SIX4: variants seen among roughly 807,000 people sequenced by gnomAD.
SIX4 encodes the protein homeobox protein SIX4.
Under a neutral mutation model 51.5 loss-of-function variants are expected in SIX4, and 23 were observed. That is an observed-to-expected ratio of 0.45 (90% CI 0.32 to 0.63). The LOEUF (loss-of-function observed/expected upper bound fraction) is 0.63, where lower values mean the gene tolerates loss of function less well. Ranked by LOEUF, SIX4 falls within the 30% of genes least tolerant of loss-of-function variation. The pLI is 0.04. For missense variants in SIX4, 867 were observed against 984.0 expected, an observed-to-expected ratio of 0.88 and a Z score of 1.59; for synonymous variants, 413 against 417.3, an observed-to-expected ratio of 0.99 and a Z score of 0.13.
At chr14:60,721,930 GA>G (rs1479706386) in intron 1 of SIX4, among the ~76,000 whole-genome samples, 31 of 152,222 alleles carry the variant, frequency 2.0e-4, no homozygotes, top group African/African-American at 7.5e-4. Flanking sequence ...GCGAGGGCCG[GA>G]TAGGGCACCA....
rs970330696 is a variant in SIX4 at position 60,714,761 on chromosome 14, G to A, written c.1550-558C>T. 3.3e-5 allele frequency among the ~76,000 whole-genome samples: 5 copies of A among 151,580 alleles called. No individual in the cohort carries two copies. In the South Asian group the frequency reaches 1.0e-3, roughly 32 times the overall value. On this transcript the variant is annotated intron_variant, in intron 2 of 2. Coordinates refer to ENST00000216513, the MANE Select transcript of SIX4 (RefSeq NM_017420.5). ...GCTCATTGCAACCTCTGCCTCCTGG[G>A]TTCAAGTGATTCTCCTGCCTCAGCC...
intron 2 of SIX4, among the ~76,000 whole-genome samples, chr14:60,715,809 T>A (rs559257704): frequency 6.6e-6 from 1 of 152,154 alleles, no homozygotes; most frequent in East Asian, 1.9e-4. Flanking sequence ...GAAGGAAAGG[T>A]AGATTTGGGG....
At position 60,711,903 on chromosome 14, in the gene SIX4, C is replaced by A. The variant is rs117099618; in HGVS notation, c.*1504G>T. 1 of 152,448 alleles carries A rather than the reference C, an allele frequency of 6.6e-6. No individual in the cohort carries two copies. Among genetic ancestry groups the A allele is most frequent in the Non-Finnish European group, 1.5e-5 (1 of 68,020 alleles). 9.4% of individuals were successfully genotyped at this position (152,448 alleles called of 1,614,324 possible). A position where few individuals can be genotyped will look rare whatever the true frequency, so the allele number is the denominator to read the frequency against. On this transcript the variant is annotated 3_prime_UTR_variant, in exon 3 of 3. Transcript: ENST00000216513. ...TTGCTTTTCAGAGACTAGAGAGCAACTTTACTCACTACATAAATTTATTTG... is the reference window on the plus strand; with the variant it reads ...TTGCTTTTCAGAGACTAGAGAGCAAATTTACTCACTACATAAATTTATTTG...
chr14:60,711,029 C>A lies in SIX4; in HGVS notation c.*2378G>T. The A allele has an allele frequency of 1.3e-5, 1 of 75,320 alleles. No individual in the cohort carries two copies. The highest frequency in any genetic ancestry group is 3.5e-5 in the Non-Finnish European group (1 of 28,906). The allele number at this position is 75,320 out of a possible 1,614,324, so 4.7% of individuals were successfully genotyped here. A position where few individuals can be genotyped will look rare whatever the true frequency, so the allele number is the denominator to read the frequency against. On this transcript the variant is annotated 3_prime_UTR_variant, in exon 3 of 3. Coordinates refer to ENST00000216513, the MANE Select transcript of SIX4 (RefSeq NM_017420.5). ...TTTCCAGTTATATATATATATATAG[C>A]ATATATAACTAAAAACCTCCCCATC...
chr14:60,713,545 G>A lies in SIX4; in HGVS notation c.2208C>T (p.Ser736=), dbSNP rs758980516. 5.6e-6 allele frequency: 9 copies of A among 1,614,168 alleles called. No individual in the cohort carries two copies. Among genetic ancestry groups the A allele is most frequent in the Non-Finnish European group, 6.8e-6 (8 of 1,180,036 alleles). The change falls in exon 3 of 3, where the codon AGC becomes AGT. Residue 736 remains serine, a synonymous_variant. Coordinates refer to ENST00000216513, the MANE Select transcript of SIX4 (RefSeq NM_017420.5). ...TGGATTTAGAGTCCAGCATCATTAAGCTACTTGTTGCTTTGCTCTCAGAAT... is the reference window on the plus strand; with the variant it reads ...TGGATTTAGAGTCCAGCATCATTAAACTACTTGTTGCTTTGCTCTCAGAAT... ...LSNSESKATS[S]LMMLDSKSKY...
chr14:60,722,304 C>T lies in SIX4; in HGVS notation c.863+908G>A. Among the ~76,000 whole-genome samples, 1 of 152,140 alleles carries T rather than the reference C, an allele frequency of 6.6e-6. No homozygotes were observed. Among genetic ancestry groups the T allele is most frequent in the East Asian group, 1.9e-4 (1 of 5,162 alleles). Reference sequence around the variant, plus strand: ...TATTTTTTTTACCAGAGGGGGAAAGCAGTCTGCCAGGCAAAAAGCTCAAAC... The same window carrying T: ...TATTTTTTTTACCAGAGGGGGAAAGTAGTCTGCCAGGCAAAAAGCTCAAAC... On this transcript the variant is annotated intron_variant, in intron 1 of 2. Transcript: ENST00000216513. This position sits in a 1 kb window ranked among gnomAD's most constrained non-coding sequence, Gnocchi z 5.9.
chr14:60,720,877 A>T lies in SIX4; in HGVS notation c.864-432T>A. On this transcript the variant is annotated intron_variant, in intron 1 of 2. Coordinates refer to ENST00000216513, the MANE Select transcript of SIX4 (RefSeq NM_017420.5). This position sits in a 1 kb window ranked among gnomAD's most constrained non-coding sequence, Gnocchi z 5.5. ...CCCTCCCCTCAAACCAATTCAGATT[A>T]GTGTTATCTTGGAGGTAAATGAAGC... 1 of 795,076 alleles carries T rather than the reference A, an allele frequency of 1.3e-6. No homozygotes were observed. The highest frequency in any genetic ancestry group is 1.5e-6 in the Non-Finnish European group (1 of 653,722). 49.3% of individuals were successfully genotyped at this position (795,076 alleles called of 1,614,324 possible).
At chr14:60,718,013 AAATAAT>A (rs370845559) in intron 2 of SIX4, 44 of 226,432 alleles carry the variant, frequency 1.9e-4, no homozygotes, top group African/African-American at 5.2e-4. Context: ...CTCCGCCTAA[AAATAAT>A]AATAATAATA....
rs1895994593 is a variant in SIX4 at position 60,720,101 on chromosome 14, T to C, written c.1208A>G (p.Asn403Ser). The change falls in exon 2 of 3, where the codon AAT (asparagine) becomes AGT (serine). Residue 403 changes from asparagine to serine, a missense_variant. Coordinates refer to ENST00000216513, the MANE Select transcript of SIX4 (RefSeq NM_017420.5). The surrounding 1 kb of genome is among the most constrained non-coding windows in gnomAD (Gnocchi z 5.5). ...PPKMSSNIVS[N>S]GISMTDILGS... ...CAGTATGTCAGTCATGGATATACCATTGCTCACAATGTTTGATGACATTTT... is the reference window on the plus strand; with the variant it reads ...CAGTATGTCAGTCATGGATATACCACTGCTCACAATGTTTGATGACATTTT... 6.2e-7 allele frequency: 1 copy of C among 1,614,222 alleles called. No homozygotes were observed. Among genetic ancestry groups the C allele is most frequent in the Non-Finnish European group, 8.5e-7 (1 of 1,180,036 alleles).
rs1374641066 is a variant in SIX4 at position 60,711,997 on chromosome 14, C to T, written c.*1410G>A. Reference sequence around the variant, plus strand: ...ACGGCTTACAACATTATTAAACAAGCTTCTTACAGAAACCAAAAATATTTA... The same window carrying T: ...ACGGCTTACAACATTATTAAACAAGTTTCTTACAGAAACCAAAAATATTTA... On this transcript the variant is annotated 3_prime_UTR_variant, in exon 3 of 3. Transcript: ENST00000216513. 1.3e-5 allele frequency: 2 copies of T among 152,572 alleles called. No homozygotes were observed. The highest frequency in any genetic ancestry group is 2.9e-5 in the Non-Finnish European group (2 of 68,028). The allele number at this position is 152,572 out of a possible 1,614,324, so 9.5% of individuals were successfully genotyped here. A position where few individuals can be genotyped will look rare whatever the true frequency, so the allele number is the denominator to read the frequency against.
In SIX4 at chr14:60,723,458, T is replaced by C. The variant is rs1399103019; in HGVS notation, c.617A>G (p.Asp206Gly). 5.0e-6 allele frequency: 8 copies of C among 1,609,046 alleles called. No homozygotes were observed. The highest frequency in any genetic ancestry group is 5.9e-6 in the Non-Finnish European group (7 of 1,179,844). ...GAATTTCCTGCGCAGCCGGTACTTG[T>C]CTACGGCTCCCAGCGGCCGGCCGCG... ...RARGRPLGAV[D>G]KYRLRRKFPL... Residue 206 changes from aspartate (D) to glycine (G), a missense_variant, in exon 1 of 3, where the codon GAC (aspartate) becomes GGC (glycine). Coordinates refer to ENST00000216513, the MANE Select transcript of SIX4 (RefSeq NM_017420.5).
Position 60,724,122 on chromosome 14 carries a change from C to T in SIX4, c.-48G>A, listed in dbSNP as rs770006159. 6.3e-7 allele frequency: 1 copy of T among 1,599,740 alleles called. No homozygotes were observed. Among genetic ancestry groups the T allele is most frequent in the Non-Finnish European group, 8.5e-7 (1 of 1,172,318 alleles). On this transcript the variant is annotated 5_prime_UTR_variant, in exon 1 of 3. Transcript: ENST00000216513. ...CTCCCTCACTCCCTCGCACTCTTTTCCTCTTTCTTTCCTCCTCTCTTACTC... is the reference window on the plus strand; with the variant it reads ...CTCCCTCACTCCCTCGCACTCTTTTTCTCTTTCTTTCCTCCTCTCTTACTC...
At position 60,723,482 on chromosome 14, in the gene SIX4, C is replaced by A; in HGVS notation, c.593G>T (p.Arg198Leu). 1.2e-6 allele frequency: 2 copies of A among 1,606,324 alleles called. No individual in the cohort carries two copies. The highest frequency in any genetic ancestry group is 1.7e-4 in the Middle Eastern group (1 of 6,056). Residue 198 changes from arginine (R) to leucine (L), a missense_variant, in exon 1 of 3, where the codon CGC (arginine) becomes CTC (leucine). Arg to Leu is a moderately radical substitution (Grantham distance 102, BLOSUM62 -2). Transcript: ENST00000216513. Reference protein sequence around the residue: ...KARYTEAERARGRPLGAVDKY... With the variant: ...KARYTEAERALGRPLGAVDKY... Reference sequence around the variant, plus strand: ...GTCTACGGCTCCCAGCGGCCGGCCGCGGGCTCGCTCGGCCTCGGTGTAGCG... The same window carrying A: ...GTCTACGGCTCCCAGCGGCCGGCCGAGGGCTCGCTCGGCCTCGGTGTAGCG...
chr14:60,722,026 T>C lies in SIX4; in HGVS notation c.863+1186A>G, dbSNP rs1896030019. Among the ~76,000 whole-genome samples the C allele has an allele frequency of 6.6e-6, 1 of 152,194 alleles. No individual in the cohort carries two copies. The highest frequency in any genetic ancestry group is 1.5e-5 in the Non-Finnish European group (1 of 68,010). On this transcript the variant is annotated intron_variant, in intron 1 of 2. Coordinates refer to ENST00000216513, the MANE Select transcript of SIX4 (RefSeq NM_017420.5). This position sits in a 1 kb window ranked among gnomAD's most constrained non-coding sequence, Gnocchi z 5.9. Reference sequence around the variant, plus strand: ...GGGCCCAGAAGCGGCAAGGGCGGGCTGAGACCGGCTCTGGAATGCGCTGGT... The same window carrying C: ...GGGCCCAGAAGCGGCAAGGGCGGGCCGAGACCGGCTCTGGAATGCGCTGGT...
chr14:60,723,795 G>A lies in SIX4; in HGVS notation c.280C>T (p.His94Tyr), dbSNP rs1711556576. ...VQLHSELLGR[H>Y]HHAAAAAAQT... is the part of the protein sequence containing the mutation. ...GCGGCGGCGGCGGCGGCGTGGTGGTGCCTGCCCAGAAGTTCCGAGTGGAGT... is the reference window on the plus strand; with the variant it reads ...GCGGCGGCGGCGGCGGCGTGGTGGTACCTGCCCAGAAGTTCCGAGTGGAGT... The change falls in exon 1 of 3, where the codon CAC becomes TAC. Residue 94 changes from histidine (H) to tyrosine (Y), a missense_variant. Coordinates refer to ENST00000216513, the MANE Select transcript of SIX4 (RefSeq NM_017420.5). 1 of 1,537,238 alleles carries A rather than the reference G, an allele frequency of 6.5e-7. No individual in the cohort carries two copies. The highest frequency in any genetic ancestry group is 8.7e-7 in the Non-Finnish European group (1 of 1,147,754).
intron 2 of SIX4, among the ~76,000 whole-genome samples, chr14:60,714,717 G>T (rs1053066969): frequency 1.3e-5 from 2 of 150,944 alleles, no homozygotes; most frequent in Admixed American, 1.3e-4. Context: ...CCAGGCTGGA[G>T]TGCAGTGGAG....
rs1255027806 is a variant in SIX4 at position 60,719,472 on chromosome 14, T to C, written c.1549+288A>G. Reference sequence around the variant, plus strand: ...TATTTTGTAAGCACTGATTGACTTATCATATTTCTGTAATTGTAGAACTGG... The same window carrying C: ...TATTTTGTAAGCACTGATTGACTTACCATATTTCTGTAATTGTAGAACTGG... On this transcript the variant is annotated intron_variant, in intron 2 of 2. Transcript: ENST00000216513. The surrounding 1 kb of genome is among the most constrained non-coding windows in gnomAD (Gnocchi z 4.9). Among the ~76,000 whole-genome samples the C allele has an allele frequency of 1.3e-5, 2 of 152,254 alleles. No individual in the cohort carries two copies. Among genetic ancestry groups the C allele is most frequent in the African/African-American group, 2.4e-5 (1 of 41,456 alleles).
chr14:60,718,905 C>G (rs1895969248), intron 2 of SIX4, among the ~76,000 whole-genome samples: 1 of 152,116 alleles, frequency 6.6e-6, no homozygotes, highest in Non-Finnish European at 1.5e-5. Flanking sequence ...TCTGGATTTT[C>G]AGATTTGTCT....
chr14:60,714,338 G>T, intron 2 of SIX4, 135 bp from the exon 3 acceptor site: 1 of 735,488 alleles, frequency 1.4e-6, no homozygotes, highest in Non-Finnish European at 2.1e-6. Context: ...CCCAATTCTG[G>T]TTCAGAATTA....
Sources: gnomAD v4.1 joint callset for allele counts (sites outside exome capture counted in the v4.1 genomes callset) on GRCh38, gnomAD v4.1.1 for gene constraint, Gnocchi (gnomAD v3.1) non-coding constraint, MANE v1.5 for transcripts, NCBI Gene and HGNC (gene_info 2026-07-23, HGNC 2026-07-21) for gene names.